Variants in ERC1 observed in about 807,000 individuals in gnomAD.
ERC1 encodes ELKS/RAB6-interacting/CAST family member 1, also known as RAB6 interacting protein 2.
In ERC1, 56 loss-of-function variants were observed where a neutral mutation model predicts 132.0. The ratio of observed to expected loss-of-function variants is 0.42; its 90% CI spans 0.34 to 0.53. The LOEUF is 0.53. Ranked by LOEUF, ERC1 falls within the 20% of genes least tolerant of loss-of-function variation. ERC1 has a pLI of 0.03. For missense variants in ERC1, 1,202 were observed against 1,349.9 expected, an observed-to-expected ratio of 0.89 and a Z score of 1.72; for synonymous variants, 478 against 476.1, an observed-to-expected ratio of 1.00 and a Z score of -0.05.
chr12:1,339,152 C>T (rs907471661), intron 15 of ERC1, among the ~76,000 whole-genome samples: 5 of 149,974 alleles, frequency 3.3e-5, no homozygotes, highest in Non-Finnish European at 5.9e-5. Flanking sequence ...CTCAGCTGGA[C>T]GACTGTGACA....
intron 3 of ERC1, among the ~76,000 whole-genome samples, chr12:1,104,225 C>G (rs1944995714): frequency 6.6e-6 from 1 of 151,932 alleles, no homozygotes; most frequent in Non-Finnish European, 1.5e-5. Context: ...CTAACTGTAG[C>G]ACCACTAGAG....
At chr12:1,193,578 T>A (rs1042148414) in intron 12 of ERC1, among the ~76,000 whole-genome samples, 3 of 152,132 alleles carry the variant, frequency 2.0e-5, no homozygotes, top group African/African-American at 4.8e-5. Context: ...AGAGATTTAT[T>A]ACAGAGAATA....
intron 1 of ERC1, among the ~76,000 whole-genome samples, chr12:995,787 A>T (rs1409320287): frequency 2.0e-5 from 3 of 152,174 alleles, no homozygotes; most frequent in African/African-American, 7.2e-5. Flanking sequence ...TTTCACCTTC[A>T]TGGAACTTAC....
chr12:1,426,190 A>G (rs886693811), intron 17 of ERC1, among the ~76,000 whole-genome samples: 1 of 146,174 alleles, frequency 6.8e-6, no homozygotes, highest in African/African-American at 2.6e-5. Context: ...TGCAACCTCC[A>G]CCTCCTGGGT....
chr12:1,324,911 G>A (rs977843715), intron 15 of ERC1, among the ~76,000 whole-genome samples: 3 of 152,056 alleles, frequency 2.0e-5, no homozygotes, highest in Non-Finnish European at 4.4e-5. Context: ...ATGGGCAGTC[G>A]CCCCTCATAC....
intron 12 of ERC1, among the ~76,000 whole-genome samples, chr12:1,211,977 T>A (rs1957923602): frequency 7.1e-6 from 1 of 140,882 alleles, no homozygotes; most frequent in African/African-American, 2.9e-5. Flanking sequence ...CTTATTGTCA[T>A]TATTAGTTTA....
At chr12:1,182,839 T>G (rs186410944) in intron 10 of ERC1, among the ~76,000 whole-genome samples, 4 of 102,102 alleles carry the variant, frequency 3.9e-5, no homozygotes, top group African/African-American at 1.2e-4. Context: ...GTTAAAAAAA[T>G]TTTTTTTTGT....
intron 4 of ERC1, among the ~76,000 whole-genome samples, chr12:1,108,454 T>C (rs2154201293): frequency 6.6e-6 from 1 of 152,306 alleles, no homozygotes; most frequent in South Asian, 2.1e-4. Flanking sequence ...TTTCAGCTGG[T>C]CCAGTTTCAT....
chr12:1,130,410 T>C (rs1414212457), intron 7 of ERC1, among the ~76,000 whole-genome samples: 1 of 151,448 alleles, frequency 6.6e-6, no homozygotes, highest in East Asian at 1.9e-4. Context: ...TGTTATGTTA[T>C]GTGTTGGCTT....
chr12:1,111,230 A>G (rs1343642959), intron 5 of ERC1, among the ~76,000 whole-genome samples: 2 of 152,078 alleles, frequency 1.3e-5, no homozygotes, highest in Non-Finnish European at 2.9e-5. Flanking sequence ...CCTTGTATCC[A>G]AAGTCATTTA....
intron 2 of ERC1, among the ~76,000 whole-genome samples, chr12:1,034,127 G>T (rs1379371329): frequency 6.6e-6 from 1 of 152,098 alleles, no homozygotes; most frequent in Admixed American, 6.6e-5. Context: ...ATGTAATGGT[G>T]TATACTAGTG....
chr12:1,252,022 A>G lies in ERC1; in HGVS notation c.2488-11012A>G, dbSNP rs569470517. 6.0e-4 allele frequency among the ~76,000 whole-genome samples: 91 copies of G among 152,244 alleles called. 1 individual carries two copies. The highest frequency in any genetic ancestry group is 2.1e-3 in the African/African-American group (87 of 41,554). ...TAATTATAATGGATACATAATAGTT[A>G]TACATATTTACGAGGTACACATGAT... On this transcript the variant is annotated intron_variant, in intron 13 of 18. Transcript: ENST00000360905.
chr12:1,250,181 A>G (rs1387789138), intron 13 of ERC1, among the ~76,000 whole-genome samples: 1 of 152,158 alleles, frequency 6.6e-6, no homozygotes, highest in Non-Finnish European at 1.5e-5. Flanking sequence ...GGTTTCTTTG[A>G]ATATAACACG....
chr12:1,479,037 A>G (rs151086986), intron 18 of ERC1, among the ~76,000 whole-genome samples: 1 of 152,180 alleles, frequency 6.6e-6, no homozygotes, highest in African/African-American at 2.4e-5. Flanking sequence ...TGTGTTTTGC[A>G]TATAGCCCCA....
chr12:1,100,786 A>C (rs1324228196), intron 3 of ERC1, among the ~76,000 whole-genome samples: 1 of 152,220 alleles, frequency 6.6e-6, no homozygotes, highest in African/African-American at 2.4e-5. Context: ...GTAAAGGTAC[A>C]TACGAGTATG....
intron 15 of ERC1, among the ~76,000 whole-genome samples, chr12:1,297,638 C>T (rs543788813): frequency 3.5e-4 from 50 of 144,686 alleles, no homozygotes; most frequent in Middle Eastern, 3.8e-3. Flanking sequence ...GCCCAGGACA[C>T]GGAGGCTGTA....
chr12:1,368,282 A>G (rs2086854260), intron 15 of ERC1, among the ~76,000 whole-genome samples: 1 of 152,206 alleles, frequency 6.6e-6, no homozygotes, highest in African/African-American at 2.4e-5. Context: ...TCAGATTAAA[A>G]GAAGTTATAA....
chr12:1,406,079 C>A (rs766145548), intron 16 of ERC1, among the ~76,000 whole-genome samples: 1 of 152,082 alleles, frequency 6.6e-6, no homozygotes, highest in Non-Finnish European at 1.5e-5. Context: ...GTCAGTTTTA[C>A]GCCAGACACC....
Position 1,400,914 on chromosome 12 carries a change from G to GTTTTTTTT in ERC1, c.2926-7234_2926-7233insTTTTTTTT, listed in dbSNP as rs1566774897. Among the ~76,000 whole-genome samples the GTTTTTTTT allele has an allele frequency of 1.4e-3, 16 of 11,120 alleles. 1 individual carries two copies. Among genetic ancestry groups the GTTTTTTTT allele is most frequent in the African/African-American group, 1.7e-3 (3 of 1,780 alleles). The allele number at this position is 11,120 out of a possible 152,430, so 7.3% of individuals were successfully genotyped here. On this transcript the variant is annotated intron_variant, in intron 16 of 18. Coordinates refer to ENST00000360905, the MANE Select transcript of ERC1 (RefSeq NM_178040.4). Reference sequence around the variant, plus strand: ...ATTCAATATTGTTTTGGCTATTTTTGTATTTTTTTTTTTTTTTTTTTTTTT... The same window carrying GTTTTTTTT: ...ATTCAATATTGTTTTGGCTATTTTTGTTTTTTTTTATTTTTTTTTTTTTTTTTTTTTTT...
Sources: gnomAD v4.1 joint callset for allele counts (sites outside exome capture counted in the v4.1 genomes callset) on GRCh38, gnomAD v4.1.1 for gene constraint, MANE v1.5 for transcripts, NCBI Gene and HGNC (gene_info 2026-07-23, HGNC 2026-07-21) for gene names.